UHRF2: variants seen among roughly 807,000 people sequenced by gnomAD.
The protein encoded by UHRF2 is E3 ubiquitin-protein ligase UHRF2.
Under a neutral mutation model 96.8 loss-of-function variants are expected in UHRF2, and 23 were observed. That is an observed-to-expected ratio of 0.24 (90% CI 0.17 to 0.34). The LOEUF is 0.34. UHRF2 is among the 10% of genes least tolerant of loss of function. The probability of loss-of-function intolerance (pLI) is 1.00; values close to 1 mark genes in which losing one functional copy is unlikely to be tolerated. For missense variants in UHRF2, 685 were observed against 981.5 expected, an observed-to-expected ratio of 0.70 and a Z score of 4.04; for synonymous variants, 385 against 332.6, an observed-to-expected ratio of 1.16 and a Z score of -1.72.
intron 4 of UHRF2, among the ~76,000 whole-genome samples, chr9:6,474,563 G>A (rs1011683134): frequency 5.9e-5 from 9 of 152,084 alleles, no homozygotes; most frequent in African/African-American, 1.9e-4. Context: ...AAAATTAGCC[G>A]GGTATGGTGG....
chr9:6,471,903 T>G (rs886972737), intron 4 of UHRF2, among the ~76,000 whole-genome samples: 1 of 151,506 alleles, frequency 6.6e-6, no homozygotes, highest in Non-Finnish European at 1.5e-5. Flanking sequence ...GAAAAAGGAG[T>G]CCGGTTAGAA....
rs754959579 is a variant in UHRF2 at position 6,506,161 on chromosome 9, C to A, written c.2391C>A (p.Gly797=). The A allele has an allele frequency of 2.6e-5, 42 of 1,614,096 alleles. No individual in the cohort carries two copies. In the South Asian group the frequency reaches 4.6e-4, roughly 18 times the overall value. The change falls in exon 16 of 16, where the codon GGC becomes GGA. Residue 797 remains glycine (G), a synonymous_variant. Coordinates refer to ENST00000276893, the MANE Select transcript of UHRF2 (RefSeq NM_152896.3). ...CTCTACTTGACCTTTTCTTCCCTGGCTACAGCAAAGGACGATGATCTGCCT... is the reference window on the plus strand; with the variant it reads ...CTCTACTTGACCTTTTCTTCCCTGGATACAGCAAAGGACGATGATCTGCCT... ...LQTLLDLFFP[G]YSKGR
At position 6,423,650 on chromosome 9, in the gene UHRF2, T is replaced by A. The variant is rs1369165541; in HGVS notation, c.384+2508T>A. Among the ~76,000 whole-genome samples the A allele has an allele frequency of 4.0e-5, 6 of 150,984 alleles. No individual in the cohort carries two copies. In the East Asian group the frequency reaches 1.2e-3, roughly 29 times the overall value. On this transcript the variant is annotated intron_variant, in intron 2 of 15. Transcript: ENST00000276893. ...TCATTAGTGATTTTTTTTTTTTTTT[T>A]AAAGAAAAGTCTCGGCCGGGCGTGG...
chr9:6,413,610 C>T lies in UHRF2; in HGVS notation c.120C>T (p.Pro40=), dbSNP rs762331981. ...TGTGGGCGCTGTTCGACGTGCGGCC[C>T]GAATGCCAGCGCCTCTTCTACCGGG... The part of the protein sequence containing the change: ...ERVWALFDVR[P]ECQRLFYRGK... The change falls in exon 1 of 16, where the codon CCC becomes CCT. Residue 40 remains proline, a synonymous_variant. Coordinates refer to ENST00000276893, the MANE Select transcript of UHRF2 (RefSeq NM_152896.3). 5.0e-6 allele frequency: 8 copies of T among 1,598,668 alleles called. No individual in the cohort carries two copies. Among genetic ancestry groups the T allele is most frequent in the East Asian group, 2.3e-5 (1 of 43,332 alleles).
chr9:6,447,022 G>A (rs1821556646), intron 3 of UHRF2, among the ~76,000 whole-genome samples: 1 of 151,972 alleles, frequency 6.6e-6, no homozygotes, highest in Non-Finnish European at 1.5e-5. Flanking sequence ...CCAAGTAGCT[G>A]GGACCACAGG....
In UHRF2 at chr9:6,413,592, G is replaced by T. The variant is rs749380931; in HGVS notation, c.102G>T (p.Ala34=). ...TIEELRERVW[A]LFDVRPECQR... is the part of the protein sequence containing the mutation. ...AGGAGCTGCGCGAGCGGGTGTGGGC[G>T]CTGTTCGACGTGCGGCCCGAATGCC... The change falls in exon 1 of 16, where the codon GCG becomes GCT. Residue 34 remains alanine (A), a synonymous_variant. Coordinates refer to ENST00000276893, the MANE Select transcript of UHRF2 (RefSeq NM_152896.3). 1.9e-6 allele frequency: 3 copies of T among 1,601,522 alleles called. No homozygotes were observed. In the South Asian group the frequency reaches 3.3e-5, roughly 18 times the overall value.
At chr9:6,416,664 C>T (rs923560373) in intron 1 of UHRF2, among the ~76,000 whole-genome samples, 1 of 151,664 alleles carries the variant, frequency 6.6e-6, no homozygotes, top group Non-Finnish European at 1.5e-5. Flanking sequence ...CTCAGCCTCC[C>T]GAGTAGCTGG....
chr9:6,468,672 C>A (rs1381323908), intron 4 of UHRF2: 1 of 455,940 alleles, frequency 2.2e-6, no homozygotes, highest in Non-Finnish European at 4.4e-6. Context: ...TGGTTGAATA[C>A]TGGACTTCTG....
chr9:6,417,333 C>T (rs911711894), intron 1 of UHRF2, among the ~76,000 whole-genome samples: 1 of 152,178 alleles, frequency 6.6e-6, no homozygotes, highest in African/African-American at 2.4e-5. Context: ...TCTCCATCTT[C>T]GAGTATGGCA....
chr9:6,464,992 A>C (rs190050452), intron 4 of UHRF2, among the ~76,000 whole-genome samples: 1 of 152,120 alleles, frequency 6.6e-6, no homozygotes, highest in African/African-American at 2.4e-5. Context: ...GATTGTTTCA[A>C]AATGTTTGGA....
chr9:6,428,826 G>C (rs1170141913), intron 2 of UHRF2, among the ~76,000 whole-genome samples: 2 of 152,066 alleles, frequency 1.3e-5, no homozygotes, highest in African/African-American at 4.8e-5. Context: ...TGGGATTACA[G>C]TGTGAGCCAT....
At chr9:6,476,785 G>C (rs528299709) in intron 5 of UHRF2, among the ~76,000 whole-genome samples, 1 of 152,124 alleles carries the variant, frequency 6.6e-6, no homozygotes, top group South Asian at 2.1e-4. Flanking sequence ...AGCAGGGACG[G>C]GGTTTCACTG....
chr9:6,469,680 G>GTATA (rs926034854), intron 4 of UHRF2, among the ~76,000 whole-genome samples: 7 of 89,248 alleles, frequency 7.8e-5, no homozygotes, highest in African/African-American at 4.9e-4. Context: ...GTGTGTGTAT[G>GTATA]TATATATATA....
At position 6,421,050 on chromosome 9, in the gene UHRF2, A is replaced by G. The variant is rs780006632; in HGVS notation, c.292A>G (p.Lys98Glu). The G allele has an allele frequency of 5.0e-6, 8 of 1,614,166 alleles. No individual in the cohort carries two copies. The highest frequency in any genetic ancestry group is 6.8e-6 in the Non-Finnish European group (8 of 1,180,026). ...TAAACCCTGTTCTAATAGTCCACCT[A>G]AAGTAAAGAAAGCTCCGAGGGTAGG... Reference protein sequence around the residue: ...EAKPCSNSPPKVKKAPRVGPS... With the variant: ...EAKPCSNSPPEVKKAPRVGPS... Residue 98 changes from lysine (K) to glutamate (E), a missense_variant, in exon 2 of 16, where the codon AAA (lysine) becomes GAA (glutamate). Physicochemically the swap from Lys to Glu is moderately conservative, Grantham distance 56. Transcript: ENST00000276893.
intron 3 of UHRF2, among the ~76,000 whole-genome samples, chr9:6,439,771 A>G (rs1821054613): frequency 6.6e-6 from 1 of 152,214 alleles, no homozygotes; most frequent in Non-Finnish European, 1.5e-5. Flanking sequence ...TAGTGGGCAC[A>G]TACAACTTGG....
At chr9:6,468,289 C>A (rs945435961) in intron 4 of UHRF2, 7 of 361,038 alleles carry the variant, frequency 1.9e-5, no homozygotes, top group Non-Finnish European at 3.8e-5. Flanking sequence ...GTGGCTTTGG[C>A]CTTGAATTTG....
rs1171172143 is a variant in UHRF2 at position 6,428,533 on chromosome 9, C to CTTTTTTTTTTTTTTTTTTT, written c.385-5361_385-5343dup. ...TGTAAATGGAACCATATTGCTTTTG[C>CTTTTTTTTTTTTTTTTTTT]TTTTTTTTTTTTTTTTTTTTTTTTT... is the stretch of plus-strand genomic sequence containing the variant. On this transcript the variant is annotated intron_variant, in intron 2 of 15. Transcript: ENST00000276893. Among the ~76,000 whole-genome samples the CTTTTTTTTTTTTTTTTTTT allele has an allele frequency of 3.8e-4, 25 of 65,420 alleles. 4 individuals are homozygous for CTTTTTTTTTTTTTTTTTTT. Among genetic ancestry groups the CTTTTTTTTTTTTTTTTTTT allele is most frequent in the South Asian group, 6.9e-4 (1 of 1,454 alleles). 42.9% of individuals were successfully genotyped at this position (65,420 alleles called of 152,430 possible).
At chr9:6,464,279 G>A (rs752530883) in intron 4 of UHRF2, among the ~76,000 whole-genome samples, 45 of 152,118 alleles carry the variant, frequency 3.0e-4, no homozygotes, top group Admixed American at 5.2e-4. Context: ...TTTTTTTGTT[G>A]TTAATTAAAT....
intron 3 of UHRF2, among the ~76,000 whole-genome samples, chr9:6,460,182 A>G (rs1822446068): frequency 6.6e-6 from 1 of 152,272 alleles, no homozygotes; most frequent in Non-Finnish European, 1.5e-5. Flanking sequence ...TATCTAGATT[A>G]TAACAGTAAT....
Sources: allele counts gnomAD v4.1 joint callset (sites outside exome capture counted in the v4.1 genomes callset), GRCh38; gene constraint gnomAD v4.1.1; transcripts MANE v1.5; gene names NCBI Gene and HGNC (gene_info 2026-07-23, HGNC 2026-07-21).